Variants in ZNG1A observed in about 807,000 individuals in gnomAD.
ZNG1A encodes zinc-regulated GTPase metalloprotein activator 1A.
At chr9:128,577 T>C in the ZNG1A span, among the ~76,000 whole-genome samples, 1 of 146,560 alleles carries the variant, frequency 6.8e-6, no homozygotes, top group African/African-American at 2.6e-5. Context: ...TATTTCTCCC[T>C]TTACTTCTTG....
chr9:133,733 T>C, the ZNG1A span, among the ~76,000 whole-genome samples: 2 of 143,772 alleles, frequency 1.4e-5, no homozygotes, highest in East Asian at 2.1e-4. Context: ...GCGATTCTGA[T>C]TTATGCCCCA....
the ZNG1A span, among the ~76,000 whole-genome samples, chr9:138,337 G>A: frequency 2.7e-5 from 4 of 145,778 alleles, no homozygotes; most frequent in African/African-American, 7.7e-5. Flanking sequence ...TAACTGCCCT[G>A]CCTGTCCCAC....
the ZNG1A span, among the ~76,000 whole-genome samples, chr9:169,854 C>CTTTTTTT: frequency 7.9e-3 from 424 of 53,934 alleles, no homozygotes; most frequent in Non-Finnish European, 8.8e-3. Context: ...ATAAACACAG[C>CTTTTTTT]TTTTTTTTTT....
chr9:167,621 A>T, the ZNG1A span: 1 of 150,312 alleles, frequency 6.7e-6, no homozygotes, highest in Non-Finnish European at 1.5e-5. Context: ...TAAGCACCAA[A>T]ACTATTAAAA....
At chr9:155,947 A>C in the ZNG1A span, among the ~76,000 whole-genome samples, 39 of 149,892 alleles carry the variant, frequency 2.6e-4, 1 homozygote, top group Admixed American at 1.3e-3. Context: ...CTCTACTAAA[A>C]AAAATAAAAA....
the ZNG1A span, chr9:146,935 G>C: frequency 6.6e-6 from 1 of 152,308 alleles, no homozygotes; most frequent in Admixed American, 6.5e-5. Flanking sequence ...CAGCACTCTG[G>C]GAGGCCGAGG....
chr9:121,226 C>G, the ZNG1A span: 1 of 513,050 alleles, frequency 1.9e-6, no homozygotes, highest in Admixed American at 3.5e-5. Flanking sequence ...AACTCCAAAG[C>G]CAATTTCAAA....
At chr9:174,523 T>C in the ZNG1A span, among the ~76,000 whole-genome samples, 2 of 151,510 alleles carry the variant, frequency 1.3e-5, no homozygotes, top group African/African-American at 4.9e-5. Context: ...ATAAAGAAAA[T>C]AGTAAGAATA....
At chr9:141,897 C>A in the ZNG1A span, among the ~76,000 whole-genome samples, 1 of 152,052 alleles carries the variant, frequency 6.6e-6, no homozygotes, top group African/African-American at 2.4e-5. Flanking sequence ...CAATCCTAGT[C>A]TCTGATAAAA....
the ZNG1A span, among the ~76,000 whole-genome samples, chr9:125,940 A>G: frequency 1.9e-5 from 1 of 51,342 alleles, no homozygotes; most frequent in Non-Finnish European, 3.7e-5. Context: ...TTTGGTGACT[A>G]TGGCCTTATA....
the ZNG1A span, among the ~76,000 whole-genome samples, chr9:161,881 A>G: frequency 1.3e-5 from 2 of 151,722 alleles, no homozygotes. Flanking sequence ...TCCTATGTGT[A>G]TATCCTGATT....
At chr9:160,928 C>G in the ZNG1A span, among the ~76,000 whole-genome samples, 1 of 150,834 alleles carries the variant, frequency 6.6e-6, no homozygotes, top group Non-Finnish European at 1.5e-5. Flanking sequence ...TGGAATTTTT[C>G]TGCATGAAAC....
chr9:167,374 G>A, the ZNG1A span: 1 of 150,984 alleles, frequency 6.6e-6, no homozygotes, highest in Non-Finnish European at 1.5e-5. Flanking sequence ...AACACTAGGA[G>A]ATTATGGAAC....
At chr9:142,005 A>G in the ZNG1A span, among the ~76,000 whole-genome samples, 4 of 146,320 alleles carry the variant, frequency 2.7e-5, no homozygotes, top group South Asian at 6.8e-4. Context: ...TCCTAAATAT[A>G]TATACACCCA....
At chr9:174,165 A>G in the ZNG1A span, among the ~76,000 whole-genome samples, 2 of 150,766 alleles carry the variant, frequency 1.3e-5, no homozygotes, top group Admixed American at 6.6e-5. Flanking sequence ...AAAAAAACCT[A>G]AACTTTTAGT....
At chr9:143,065 C>G in the ZNG1A span, among the ~76,000 whole-genome samples, 87 of 146,228 alleles carry the variant, frequency 5.9e-4, 1 homozygote, top group African/African-American at 2.2e-3. Flanking sequence ...GCTTACCAAC[C>G]AAAAAGAGTC....
the ZNG1A span, among the ~76,000 whole-genome samples, chr9:161,893 T>C: frequency 6.6e-6 from 1 of 151,614 alleles, no homozygotes; most frequent in Non-Finnish European, 1.5e-5. Flanking sequence ...ATCCTGATTT[T>C]CTTCAATATG....
the ZNG1A span, among the ~76,000 whole-genome samples, chr9:143,775 TGATTGTATATCTA>T: frequency 4.5e-5 from 5 of 112,234 alleles, no homozygotes; most frequent in Non-Finnish European, 1.7e-5. Flanking sequence ...GCAGATGACA[TGATTGTATATCTA>T]GAAAACCCCA....
the ZNG1A span, among the ~76,000 whole-genome samples, chr9:160,864 CT>C: frequency 4.1e-4 from 62 of 150,330 alleles, no homozygotes; most frequent in Admixed American, 3.1e-3. Flanking sequence ...TAATTTGGGG[CT>C]TTTTTGCTAC....
Sources: allele counts gnomAD v4.1 joint callset (sites outside exome capture counted in the v4.1 genomes callset), GRCh38; gene constraint gnomAD v4.1.1; transcripts MANE v1.5; gene names NCBI Gene and HGNC (gene_info 2026-07-23, HGNC 2026-07-21).